SAMMSON: variants seen among roughly 807,000 people sequenced by gnomAD.
The protein encoded by SAMMSON is survival associated mitochondrial melanoma specific oncogenic non-coding RNA, also known as long intergenic non-protein coding RNA 1212.
intron 7 of SAMMSON, among the ~76,000 whole-genome samples, chr3:70,323,349 A>G (rs2106718195): frequency 6.6e-6 from 1 of 152,266 alleles, no homozygotes; most frequent in East Asian, 1.9e-4. Context: ...AATTTTCTAC[A>G]TTGCCAGCTC....
chr3:70,086,243 G>A (rs1479104336), intron 4 of SAMMSON, among the ~76,000 whole-genome samples: 1 of 152,154 alleles, frequency 6.6e-6, no homozygotes, highest in African/African-American at 2.4e-5. Flanking sequence ...TCACCAGGGA[G>A]TTATACCTGA....
At chr3:70,418,204 A>G (rs1418586002) in intron 2 of SAMMSON, among the ~76,000 whole-genome samples, 1 of 152,202 alleles carries the variant, frequency 6.6e-6, no homozygotes, top group Non-Finnish European at 1.5e-5. Flanking sequence ...GCAGTGTACA[A>G]TGAAGATAGT....
intron 4 of SAMMSON, among the ~76,000 whole-genome samples, chr3:70,199,943 T>A (rs1042512001): frequency 6.6e-6 from 1 of 152,208 alleles, no homozygotes; most frequent in Admixed American, 6.5e-5. Context: ...TGGATCTCTC[T>A]CTCCCCAGTC....
At chr3:70,173,698 CT>C (rs376399212) in intron 4 of SAMMSON, among the ~76,000 whole-genome samples, 7 of 151,804 alleles carry the variant, frequency 4.6e-5, no homozygotes, top group Non-Finnish European at 8.8e-5. Context: ...AAAATAAGTA[CT>C]TTTTTTGTGT....
chr3:70,348,518 A>T (rs1259408467), intron 7 of SAMMSON, among the ~76,000 whole-genome samples: 1 of 152,140 alleles, frequency 6.6e-6, no homozygotes, highest in Non-Finnish European at 1.5e-5. Context: ...CCATCCCCTT[A>T]TAAGAGCCCT....
chr3:70,254,738 A>T (rs1701799160), intron 6 of SAMMSON, among the ~76,000 whole-genome samples: 1 of 152,204 alleles, frequency 6.6e-6, no homozygotes, highest in South Asian at 2.1e-4. Flanking sequence ...GACGCACTCT[A>T]CTCAATAGAG....
chr3:70,389,207 T>C (rs1352817762), intron 9 of SAMMSON, among the ~76,000 whole-genome samples: 1 of 152,126 alleles, frequency 6.6e-6, no homozygotes, highest in Non-Finnish European at 1.5e-5. Context: ...ACCTCTTTCC[T>C]TTATAAACTA....
chr3:70,382,266 C>A (rs896236292), intron 9 of SAMMSON, among the ~76,000 whole-genome samples: 2 of 152,088 alleles, frequency 1.3e-5, no homozygotes, highest in Non-Finnish European at 2.9e-5. Flanking sequence ...TTCTCTCTTT[C>A]TCTTTGGCGT....
chr3:70,298,209 A>T (rs1047655833), intron 7 of SAMMSON, among the ~76,000 whole-genome samples: 1 of 152,114 alleles, frequency 6.6e-6, no homozygotes, highest in African/African-American at 2.4e-5. Context: ...AGCCATGCAA[A>T]AATATATTGC....
At chr3:70,080,170 C>A (rs191451056) in intron 4 of SAMMSON, among the ~76,000 whole-genome samples, 2 of 152,192 alleles carry the variant, frequency 1.3e-5, no homozygotes, top group African/African-American at 4.8e-5. Context: ...CTAGAGCACA[C>A]AATATCAGGA....
chr3:70,428,082 G>A (rs572439838), intron 2 of SAMMSON, among the ~76,000 whole-genome samples: 1 of 152,034 alleles, frequency 6.6e-6, no homozygotes, highest in Non-Finnish European at 1.5e-5. Flanking sequence ...ATAAAATACT[G>A]CGGAAAGAAA....
intron 7 of SAMMSON, among the ~76,000 whole-genome samples, chr3:70,353,267 T>C (rs1412206442): frequency 6.6e-6 from 1 of 151,994 alleles, no homozygotes; most frequent in East Asian, 1.9e-4. Flanking sequence ...GAAAAAACTT[T>C]TCTCATAAAA....
At chr3:70,416,440 C>A (rs1669434948) in intron 2 of SAMMSON, among the ~76,000 whole-genome samples, 1 of 152,136 alleles carries the variant, frequency 6.6e-6, no homozygotes, top group South Asian at 2.1e-4. Context: ...CAAATCCGGA[C>A]TCTTTTTTAC....
At chr3:70,346,937 T>C (rs1386103695) in intron 7 of SAMMSON, among the ~76,000 whole-genome samples, 1 of 152,164 alleles carries the variant, frequency 6.6e-6, no homozygotes, top group African/African-American at 2.4e-5. Context: ...CACAAGCTGA[T>C]CTGGCAATGA....
chr3:70,267,394 C>CTTT (rs9310185), intron 6 of SAMMSON, among the ~76,000 whole-genome samples: 3 of 74,850 alleles, frequency 4.0e-5, no homozygotes, highest in South Asian at 7.2e-4. Flanking sequence ...TTTTTAATAG[C>CTTT]TTTTTTTTTT....
chr3:70,178,320 G>T (rs1337316812), intron 4 of SAMMSON, among the ~76,000 whole-genome samples: 1 of 152,104 alleles, frequency 6.6e-6, no homozygotes, highest in Non-Finnish European at 1.5e-5. Flanking sequence ...CCCTCTTCCT[G>T]GAATATATAA....
intron 7 of SAMMSON, among the ~76,000 whole-genome samples, chr3:70,300,052 A>G (rs1303099555): frequency 6.6e-6 from 1 of 152,050 alleles, no homozygotes; most frequent in African/African-American, 2.4e-5. Flanking sequence ...TTGAAACACT[A>G]CCCATGATTT....
intron 4 of SAMMSON, among the ~76,000 whole-genome samples, chr3:70,131,220 CTT>C (rs2067481046): frequency 6.6e-6 from 1 of 152,198 alleles, no homozygotes; most frequent in African/African-American, 2.4e-5. Context: ...AACTCAGACT[CTT>C]TGAATTCATA....
At chr3:70,351,467 G>C (rs1425226311) in intron 7 of SAMMSON, among the ~76,000 whole-genome samples, 1 of 152,026 alleles carries the variant, frequency 6.6e-6, no homozygotes, top group Admixed American at 6.6e-5. Context: ...CAGGAAGATG[G>C]AGATGTAATT....
Sources: gnomAD v4.1 joint callset for allele counts (sites outside exome capture counted in the v4.1 genomes callset) on GRCh38, gnomAD v4.1.1 for gene constraint, MANE v1.5 for transcripts, NCBI Gene and HGNC (gene_info 2026-07-23, HGNC 2026-07-21) for gene names.